PARD3: variants seen among roughly 807,000 people sequenced by gnomAD.
The protein encoded by PARD3 is par-3 family cell polarity regulator.
PARD3 carries 75 observed loss-of-function variants against 155.4 expected under a neutral mutation model. The ratio of observed to expected loss-of-function variants is 0.48; its 90% confidence interval spans 0.40 to 0.58. The LOEUF is 0.58. PARD3 is among the 20% of genes least tolerant of loss of function. The probability of loss-of-function intolerance (pLI) is 0.00; values close to 1 mark genes in which losing one functional copy is unlikely to be tolerated. For missense variants in PARD3, 1,642 were observed against 1,721.7 expected, an observed-to-expected ratio of 0.95 and a Z score of 0.82; for synonymous variants, 576 against 610.5, an observed-to-expected ratio of 0.94 and a Z score of 0.83.
intron 23 of PARD3, among the ~76,000 whole-genome samples, chr10:34,123,348 G>T (rs1352010556): frequency 6.6e-6 from 1 of 152,010 alleles, no homozygotes; most frequent in African/African-American, 2.4e-5. Flanking sequence ...GATTATAAAG[G>T]GATAATAATT....
At chr10:34,269,969 C>G in intron 21 of PARD3, 70 bp from the exon 22 acceptor site, 1 of 1,412,156 alleles carries the variant, frequency 7.1e-7, no homozygotes. Context: ...TAGAAACATT[C>G]ATCAAAATAT....
chr10:34,338,820 G>A (rs1043366707), intron 16 of PARD3, among the ~76,000 whole-genome samples: 14 of 152,312 alleles, frequency 9.2e-5, no homozygotes, highest in African/African-American at 3.4e-4. Flanking sequence ...TCAATAAAGA[G>A]AACAGTTGTC....
chr10:34,481,098 AG>A (rs1387825260), intron 3 of PARD3, among the ~76,000 whole-genome samples: 2 of 152,108 alleles, frequency 1.3e-5, no homozygotes, highest in Admixed American at 1.3e-4. Context: ...CACCACGCCC[AG>A]CCCCTGCAGG....
At chr10:34,200,724 C>T (rs1170445235) in intron 22 of PARD3, among the ~76,000 whole-genome samples, 3 of 152,208 alleles carry the variant, frequency 2.0e-5, no homozygotes, top group Non-Finnish European at 1.5e-5. Flanking sequence ...GGGGACAAAG[C>T]ATTAGTTACT....
chr10:34,520,370 G>A (rs2082070600), intron 2 of PARD3, among the ~76,000 whole-genome samples: 1 of 152,058 alleles, frequency 6.6e-6, no homozygotes, highest in Non-Finnish European at 1.5e-5. Context: ...ACAGTAGGAT[G>A]AATAATTGGG....
intron 22 of PARD3, among the ~76,000 whole-genome samples, chr10:34,204,076 G>T (rs1951347522): frequency 6.6e-6 from 1 of 152,176 alleles, no homozygotes; most frequent in African/African-American, 2.4e-5. Context: ...ACTAAGCCTA[G>T]ATCTCACTTA....
chr10:34,530,010 T>C (rs1436413263), intron 2 of PARD3, among the ~76,000 whole-genome samples: 6 of 152,124 alleles, frequency 3.9e-5, no homozygotes, highest in Non-Finnish European at 5.9e-5. Context: ...GCTGGGATTA[T>C]AGGCCTAAGC....
intron 11 of PARD3, among the ~76,000 whole-genome samples, chr10:34,373,008 G>A (rs548915678): frequency 6.6e-6 from 1 of 151,590 alleles, no homozygotes; most frequent in African/African-American, 2.4e-5. Flanking sequence ...TTCCTATAAT[G>A]TTGATTTGCC....
chr10:34,535,418 C>T (rs2083154625), intron 2 of PARD3, among the ~76,000 whole-genome samples: 1 of 152,154 alleles, frequency 6.6e-6, no homozygotes, highest in Admixed American at 6.5e-5. Context: ...GAGAGTATTT[C>T]AGCATCTTCC....
chr10:34,704,567 TG>T (rs1185158286), intron 1 of PARD3, among the ~76,000 whole-genome samples: 2 of 152,112 alleles, frequency 1.3e-5, no homozygotes, highest in African/African-American at 4.8e-5. Context: ...ACTCAATAGA[TG>T]ACAAACAACA....
chr10:34,814,802 C>T, intron 1 of PARD3, 74 bp downstream of exon 1: 1 of 1,259,390 alleles, frequency 7.9e-7, no homozygotes, highest in Non-Finnish European at 1.1e-6. Flanking sequence ...CCTCCCCCTT[C>T]CAGGAAGCGC....
At chr10:34,814,818 T>G in intron 1 of PARD3, 58 bp downstream of exon 1, 1 of 1,296,264 alleles carries the variant, frequency 7.7e-7, no homozygotes, top group South Asian at 1.3e-5. Context: ...AGCGCCATAT[T>G]GATCCCGGCG....
At chr10:34,354,698 A>G (rs1225344774) in intron 14 of PARD3, among the ~76,000 whole-genome samples, 1 of 152,150 alleles carries the variant, frequency 6.6e-6, no homozygotes, top group South Asian at 2.1e-4. Context: ...GGTGTAAAAG[A>G]GCATCCCATG....
chr10:34,143,504 G>T (rs1454511883), intron 22 of PARD3, among the ~76,000 whole-genome samples: 1 of 152,118 alleles, frequency 6.6e-6, no homozygotes, highest in Non-Finnish European at 1.5e-5. Flanking sequence ...TGATTACAAA[G>T]AATTCAAGGC....
intron 23 of PARD3, among the ~76,000 whole-genome samples, chr10:34,127,780 T>C (rs951029898): frequency 2.6e-5 from 4 of 152,210 alleles, no homozygotes; most frequent in African/African-American, 9.6e-5. Context: ...GTTTTCTCCT[T>C]CAGCTTGACA....
chr10:34,269,448 G>C (rs780260565), intron 22 of PARD3, among the ~76,000 whole-genome samples: 3 of 152,104 alleles, frequency 2.0e-5, no homozygotes, highest in Non-Finnish European at 4.4e-5. Context: ...AAATATGTTG[G>C]AATCATTAGA....
rs1837635151 is a variant in PARD3 at position 34,348,253 on chromosome 10, A to G, written c.2068-138T>C. The G allele has an allele frequency of 1.3e-5, 8 of 630,904 alleles. No individual in the cohort carries two copies. In the South Asian group the frequency reaches 2.7e-4, roughly 22 times the overall value. The allele number at this position is 630,904 out of a possible 1,614,324, so 39.1% of individuals were successfully genotyped here. ...GAACTAGAACTTTTCACCCTGTACC[A>G]AAATAATTTGTGATGACAGCTCTGC... On this transcript the variant is annotated intron_variant, in intron 14 of 24. Coordinates refer to ENST00000374788, the MANE Select transcript of PARD3 (RefSeq NM_001184785.2).
At chr10:34,563,472 T>C (rs537050349) in intron 2 of PARD3, among the ~76,000 whole-genome samples, 5 of 151,988 alleles carry the variant, frequency 3.3e-5, no homozygotes, top group African/African-American at 9.7e-5. Flanking sequence ...GTTCAAGCGA[T>C]TCTCCTGCCT....
At chr10:34,561,086 G>T (rs1042296636) in intron 2 of PARD3, among the ~76,000 whole-genome samples, 1 of 152,122 alleles carries the variant, frequency 6.6e-6, no homozygotes, top group African/African-American at 2.4e-5. Flanking sequence ...TCTTGAGAAG[G>T]GGAGAAGGGC....
Sources: gnomAD v4.1 joint callset for allele counts (sites outside exome capture counted in the v4.1 genomes callset) on GRCh38, gnomAD v4.1.1 for gene constraint, MANE v1.5 for transcripts, NCBI Gene and HGNC (gene_info 2026-07-23, HGNC 2026-07-21) for gene names.